Variants in ODR4 observed in about 807,000 individuals in gnomAD.
The protein encoded by ODR4 is odr-4 GPCR localization factor homolog.
Under a neutral mutation model 60.2 loss-of-function variants are expected in ODR4, and 47 were observed. The observed-to-expected ratio is 0.78, with a 90% CI of 0.62 to 1.00. The LOEUF is 1.00. Among genes scored for constraint, ODR4 ranks in the 50% least tolerant of loss-of-function variants. The pLI, the probability that ODR4 is intolerant of heterozygous loss-of-function variation, is 0.00. For missense variants in ODR4, 488 were observed against 530.8 expected, an observed-to-expected ratio of 0.92 and a Z score of 0.79; for synonymous variants, 178 against 175.5, an observed-to-expected ratio of 1.01 and a Z score of -0.11.
At chr1:186,392,136 A>G (rs532355528) in intron 8 of ODR4, among the ~76,000 whole-genome samples, 1 of 152,310 alleles carries the variant, frequency 6.6e-6, no homozygotes, top group Non-Finnish European at 1.5e-5. Context: ...AAAAAATAAC[A>G]GATGCTGGCA....
rs147582827 is a variant in ODR4 at position 186,380,535 on chromosome 1, C to T, written c.99+651C>T. Among the ~76,000 whole-genome samples the T allele has an allele frequency of 2.0e-5, 3 of 148,008 alleles. No individual in the cohort carries two copies. The East Asian group carries it at 6.0e-4, about 29-fold the overall frequency. ...TGATTTCTTATGAGTGAAGGAAGAA[C>T]GTGTTAATCGGCAGGAGGGACCGGT... On this transcript the variant is annotated intron_variant, in intron 2 of 13. Transcript: ENST00000287859.
chr1:186,376,951 TA>T, intron 1 of ODR4, among the ~76,000 whole-genome samples: 1 of 152,320 alleles, frequency 6.6e-6, no homozygotes, highest in South Asian at 2.1e-4. Flanking sequence ...CTTTGGCTGA[TA>T]TACAACATTT....
At chr1:186,423,288 G>T (rs941197582), downstream of ODR4, among the ~76,000 whole-genome samples, 2 of 151,974 alleles carry the variant, frequency 1.3e-5, no homozygotes, top group Non-Finnish European at 2.9e-5. Flanking sequence ...GAGACATTCA[G>T]TAGGAGAAAA....
intron 1 of ODR4, among the ~76,000 whole-genome samples, chr1:186,377,968 C>G (rs1280239140): frequency 6.6e-6 from 1 of 151,940 alleles, no homozygotes; most frequent in African/African-American, 2.4e-5. Context: ...TGGCGTGAAC[C>G]TGGGAGGTGG....
chr1:186,389,876 C>T (rs572726721), intron 6 of ODR4, among the ~76,000 whole-genome samples: 1 of 152,352 alleles, frequency 6.6e-6, no homozygotes, highest in South Asian at 2.1e-4. Context: ...CAGCCTCCAC[C>T]TCTTGGGCTC....
chr1:186,432,718 AT>A, the ODR4 span, among the ~76,000 whole-genome samples: 1 of 151,652 alleles, frequency 6.6e-6, no homozygotes. Context: ...GTTTTAAAAA[AT>A]TTTTTTAATG....
At chr1:186,407,135 A>G (rs1350761508) in intron 12 of ODR4, among the ~76,000 whole-genome samples, 2 of 152,132 alleles carry the variant, frequency 1.3e-5, no homozygotes, top group Non-Finnish European at 2.9e-5. Context: ...ATGTAGAGCA[A>G]TAAGCTTGTT....
At chr1:186,392,131 A>T (rs564964579) in intron 8 of ODR4, among the ~76,000 whole-genome samples, 1 of 152,334 alleles carries the variant, frequency 6.6e-6, no homozygotes, top group South Asian at 2.1e-4. Context: ...AAGTCAAAAA[A>T]TAACAGATGC....
intron 9 of ODR4, among the ~76,000 whole-genome samples, chr1:186,394,414 C>T (rs1358082862): frequency 6.6e-6 from 1 of 151,800 alleles, no homozygotes; most frequent in African/African-American, 2.4e-5. Flanking sequence ...AGATTTATAC[C>T]CCCTGATTTG....
At chr1:186,416,885 A>G (rs1661594167) in intron 12 of ODR4, among the ~76,000 whole-genome samples, 1 of 150,944 alleles carries the variant, frequency 6.6e-6, no homozygotes, top group South Asian at 2.1e-4. Context: ...AAGTAAATTA[A>G]TCTCAAGAGC....
At chr1:186,401,576 T>TCCCTTTCCTC (rs1660953401) in intron 11 of ODR4, 1 of 159,938 alleles carries the variant, frequency 6.3e-6, no homozygotes, top group Non-Finnish European at 1.3e-5. Flanking sequence ...TCCCATCTCA[T>TCCCTTTCCTC]CCCTTCCCTC....
At chr1:186,390,516 GA>G (rs1660425058) in intron 6 of ODR4, among the ~76,000 whole-genome samples, 194 bp from the exon 7 acceptor site, 1 of 152,190 alleles carries the variant, frequency 6.6e-6, no homozygotes, top group South Asian at 2.1e-4. Context: ...AGGATGTATT[GA>G]AGAGTACTGA....
At chr1:186,392,204 A>G (rs370579377) in intron 8 of ODR4, among the ~76,000 whole-genome samples, 9 of 152,234 alleles carry the variant, frequency 5.9e-5, no homozygotes, top group African/African-American at 1.7e-4. Flanking sequence ...AATAAGTTCA[A>G]CCATTGTGGA....
chr1:186,413,877 G>A (rs948540737), intron 12 of ODR4, among the ~76,000 whole-genome samples: 2 of 152,104 alleles, frequency 1.3e-5, no homozygotes, highest in Non-Finnish European at 2.9e-5. Context: ...ATCTGAACAC[G>A]TCTGCAACTT....
chr1:186,418,573 T>G (rs929654953), intron 13 of ODR4, among the ~76,000 whole-genome samples: 2 of 152,240 alleles, frequency 1.3e-5, no homozygotes, highest in Non-Finnish European at 2.9e-5. Context: ...TGGTCGAACA[T>G]GGACTTCTGC....
rs1000813983 is a variant in ODR4, at chr1:186,388,341, T to C, written c.331-101T>C. On this transcript the variant is annotated intron_variant, in intron 4 of 13. Coordinates refer to ENST00000287859, the MANE Select transcript of ODR4 (RefSeq NM_017847.6). ...CAATAAATAAAGAATCATGGAATTTTAAAGCTAAATGAGAGTTGGGGACAT... is the reference window on the plus strand; with the variant it reads ...CAATAAATAAAGAATCATGGAATTTCAAAGCTAAATGAGAGTTGGGGACAT... The C allele has an allele frequency of 4.8e-6, 3 of 627,288 alleles. No homozygotes were observed. In the African/African-American group the frequency reaches 5.8e-5, roughly 12 times the overall value. The allele number at this position is 627,288 out of a possible 1,614,324, so 38.9% of individuals were successfully genotyped here.
At chr1:186,429,526 CA>C in the ODR4 span, among the ~76,000 whole-genome samples, 7 of 151,394 alleles carry the variant, frequency 4.6e-5, no homozygotes, top group Admixed American at 4.6e-4. Context: ...ATAGTTACTA[CA>C]AAAAAAAATC....
At chr1:186,428,641 C>G in the ODR4 span, among the ~76,000 whole-genome samples, 1 of 152,226 alleles carries the variant, frequency 6.6e-6, no homozygotes, top group Admixed American at 6.5e-5. Flanking sequence ...CCCGTCTTGT[C>G]TTTCGACATG....
chr1:186,419,081 A>T lies in ODR4; in HGVS notation c.*5A>T, dbSNP rs1378812444. The T allele has an allele frequency of 6.2e-7, 1 of 1,606,224 alleles. No individual in the cohort carries two copies. The highest frequency in any genetic ancestry group is 1.7e-5 in the Admixed American group (1 of 59,358). ...TTTCATTACTTCAGTGATTAGGGTG[A>T]GGCACAAAGAGTTTCTTGATCATCC... On this transcript the variant is annotated 3_prime_UTR_variant, in exon 14 of 14. Coordinates refer to ENST00000287859, the MANE Select transcript of ODR4 (RefSeq NM_017847.6).
Sources: gnomAD v4.1 joint callset for allele counts (sites outside exome capture counted in the v4.1 genomes callset) on GRCh38, gnomAD v4.1.1 for gene constraint, MANE v1.5 for transcripts, NCBI Gene and HGNC (gene_info 2026-07-23, HGNC 2026-07-21) for gene names.